CSMD3: variants seen among roughly 807,000 people sequenced by gnomAD.
The protein encoded by CSMD3 is CUB and sushi domain-containing protein 3.
A neutral mutation model predicts 435.2 loss-of-function variants in CSMD3; 177 were observed. That is an observed-to-expected ratio of 0.41 (90% CI 0.36 to 0.46). The LOEUF (loss-of-function observed/expected upper bound fraction) is 0.46. Among genes scored for constraint, CSMD3 ranks in the 20% least tolerant of loss-of-function variants. CSMD3 has a pLI of 0.34. For missense variants in CSMD3, 4,265 were observed against 4,504.6 expected (o/e 0.95, Z 1.52); for synonymous variants, 1,656 against 1,520.5 (o/e 1.09, Z -2.07).
intron 45 of CSMD3, 35 bp downstream of exon 45, chr8:112,335,294 A>G (rs1258958487): frequency 9.4e-6 from 15 of 1,600,162 alleles, no homozygotes; most frequent in Non-Finnish European, 1.3e-5. Flanking sequence ...ATTAAACAGT[A>G]GCAAATGAAA....
intron 32 of CSMD3, among the ~76,000 whole-genome samples, chr8:112,456,957 G>A (rs1050232863): frequency 6.6e-6 from 1 of 152,010 alleles, no homozygotes; most frequent in Admixed American, 6.6e-5. Context: ...AAATGGATGT[G>A]TTCCTGAGAA....
chr8:113,184,349 C>T (rs936481811), intron 3 of CSMD3, among the ~76,000 whole-genome samples: 5 of 151,942 alleles, frequency 3.3e-5, no homozygotes, highest in African/African-American at 1.2e-4. Context: ...TGGTAATCAA[C>T]TTAACCTTTA....
intron 3 of CSMD3, among the ~76,000 whole-genome samples, chr8:113,248,476 T>C (rs1439526662): frequency 7.2e-6 from 1 of 138,660 alleles, no homozygotes; most frequent in Non-Finnish European, 1.6e-5. Context: ...GTGATATATA[T>C]GTATATATAC....
Position 112,277,121 on chromosome 8 carries a change from T to G in CSMD3, c.9508+4053A>C, listed in dbSNP as rs138569771. Among the ~76,000 whole-genome samples, 162 of 152,342 alleles carry G rather than the reference T, an allele frequency of 1.1e-3. 1 individual carries two copies. The highest frequency in any genetic ancestry group is 3.8e-3 in the African/African-American group (160 of 41,582). ...AATTTCTACAGCCAGCTTGTATTTC[T>G]TCTCAGAAAATGGGTTTTTCTTTAC... On this transcript the variant is annotated intron_variant, in intron 59 of 70. Transcript: ENST00000297405.
At chr8:112,721,479 G>A (rs1467360945) in intron 13 of CSMD3, among the ~76,000 whole-genome samples, 1 of 152,140 alleles carries the variant, frequency 6.6e-6, no homozygotes, top group Non-Finnish European at 1.5e-5. Flanking sequence ...AGGAGGCTGA[G>A]GCATGAGAAT....
intron 4 of CSMD3, among the ~76,000 whole-genome samples, chr8:113,163,000 T>C (rs897209103): frequency 2.6e-5 from 4 of 152,166 alleles, no homozygotes; most frequent in African/African-American, 9.6e-5. Flanking sequence ...ATTATTTATG[T>C]ATGCTTCCCA....
At chr8:112,741,790 AGAGAAGAT>A (rs1158955934) in intron 13 of CSMD3, among the ~76,000 whole-genome samples, 3 of 98,638 alleles carry the variant, frequency 3.0e-5, no homozygotes, top group South Asian at 3.3e-4. Flanking sequence ...AGATAGATAG[AGAGAAGAT>A]AGATAGATAG....
At chr8:113,285,217 T>C (rs954447774) in intron 2 of CSMD3, among the ~76,000 whole-genome samples, 3 of 151,518 alleles carry the variant, frequency 2.0e-5, no homozygotes, top group African/African-American at 7.3e-5. Context: ...GAATTAAAGG[T>C]GAGTAAGGCA....
At chr8:112,466,086 A>G (rs932018515) in intron 32 of CSMD3, among the ~76,000 whole-genome samples, 2 of 152,168 alleles carry the variant, frequency 1.3e-5, no homozygotes, top group African/African-American at 4.8e-5. Flanking sequence ...AATATGTGTC[A>G]TTGTTAGATA....
chr8:112,312,942 T>C (rs1822123857), intron 49 of CSMD3, among the ~76,000 whole-genome samples: 2 of 152,112 alleles, frequency 1.3e-5, no homozygotes, highest in African/African-American at 4.8e-5. Flanking sequence ...GACACATGAT[T>C]TGGGAAGCAT....
rs563188574 is a variant in CSMD3 at position 113,108,717 on chromosome 8, C to A, written c.710-9754G>T. Among the ~76,000 whole-genome samples the A allele has an allele frequency of 6.6e-5, 10 of 152,046 alleles. No individual in the cohort carries two copies. The South Asian group carries it at 2.1e-3, about 32-fold the overall frequency. ...AATTAGACTGACATTTTTAAAATAC[C>A]ATTTTTAATATAATAAAATTTCATA... is the stretch of plus-strand genomic sequence containing the variant. On this transcript the variant is annotated intron_variant, in intron 4 of 70. Transcript: ENST00000297405.
intron 13 of CSMD3, among the ~76,000 whole-genome samples, chr8:112,694,541 C>T (rs1427068117): frequency 2.6e-5 from 4 of 152,040 alleles, no homozygotes; most frequent in African/African-American, 9.7e-5. Context: ...ATACAACACT[C>T]TTTAAAATTA....
chr8:112,597,207 T>C (rs907139812), intron 22 of CSMD3, among the ~76,000 whole-genome samples: 1 of 151,290 alleles, frequency 6.6e-6, no homozygotes, highest in African/African-American at 2.4e-5. Flanking sequence ...CCCACAGAAA[T>C]ACAAACTACC....
chr8:113,128,606 T>C (rs1043555583), intron 4 of CSMD3, among the ~76,000 whole-genome samples: 1 of 152,018 alleles, frequency 6.6e-6, no homozygotes, highest in Non-Finnish European at 1.5e-5. Flanking sequence ...TAAAATATAT[T>C]TCCAAACACA....
chr8:112,720,820 A>T (rs1323718069), intron 13 of CSMD3, among the ~76,000 whole-genome samples: 1 of 152,252 alleles, frequency 6.6e-6, no homozygotes, highest in Admixed American at 6.5e-5. Flanking sequence ...ATAAATTTAT[A>T]TATTTTCTGT....
At chr8:112,875,373 G>A (rs2081253148) in intron 10 of CSMD3, among the ~76,000 whole-genome samples, 2 of 151,980 alleles carry the variant, frequency 1.3e-5, no homozygotes, top group African/African-American at 4.8e-5. Flanking sequence ...TTTCAATCTT[G>A]GTGAATCTGA....
At chr8:112,552,742 T>G in intron 25 of CSMD3, 22 bp from the exon 26 acceptor site, 1 of 1,606,310 alleles carries the variant, frequency 6.2e-7, no homozygotes, top group South Asian at 1.1e-5. Flanking sequence ...TAATAGAAAT[T>G]TAAGCCACAA....
chr8:113,235,187 T>C (rs1387078890), intron 3 of CSMD3, among the ~76,000 whole-genome samples: 3 of 152,132 alleles, frequency 2.0e-5, no homozygotes, highest in South Asian at 2.1e-4. Context: ...TAGTAATGTT[T>C]AGTAGAGATG....
intron 2 of CSMD3, among the ~76,000 whole-genome samples, chr8:113,280,596 T>G (rs867994308): frequency 6.6e-6 from 1 of 151,920 alleles, no homozygotes; most frequent in African/African-American, 2.4e-5. Context: ...TTTTATCTTT[T>G]TGAAGGACCA....
Sources: allele counts gnomAD v4.1 joint callset (sites outside exome capture counted in the v4.1 genomes callset), GRCh38; gene constraint gnomAD v4.1.1; transcripts MANE v1.5; gene names NCBI Gene and HGNC (gene_info 2026-07-23, HGNC 2026-07-21).